IFT122: variants seen among roughly 807,000 people sequenced by gnomAD.
IFT122 encodes the protein intraflagellar transport protein 122 homolog.
A neutral mutation model predicts 161.6 loss-of-function variants in IFT122; 118 were observed. The observed-to-expected ratio is 0.73, with a 90% CI of 0.63 to 0.85. The LOEUF is 0.85. IFT122 is among the 40% of genes least tolerant of loss of function. IFT122 has a pLI of 0.00. For synonymous variants in IFT122, 550 were observed against 602.4 expected, an observed-to-expected ratio of 0.91 and a Z score of 1.27; for missense variants, 1,381 against 1,579.6, an observed-to-expected ratio of 0.87 and a Z score of 2.13.
Position 129,481,510 on chromosome 3 carries a change from T to G in IFT122, c.1489-20T>G. ...TTGTTGCCATGGTGACTGACACTGTTTTCGCTGAAATTTTGCCAGATCCTG... is the reference window on the plus strand; with the variant it reads ...TTGTTGCCATGGTGACTGACACTGTGTTCGCTGAAATTTTGCCAGATCCTG... On this transcript the variant is annotated intron_variant, in intron 13 of 29. Transcript: ENST00000348417. 5 of 1,510,346 alleles carry G rather than the reference T, an allele frequency of 3.3e-6. No individual in the cohort carries two copies. Among genetic ancestry groups the G allele is most frequent in the Non-Finnish European group, 4.6e-6 (5 of 1,087,024 alleles). 93.6% of individuals were successfully genotyped at this position (1,510,346 alleles called of 1,614,324 possible).
Position 129,459,666 on chromosome 3 carries a change from TTCCC to T in IFT122, c.272+1003_272+1006del, listed in dbSNP as rs1312404813. ...CCTCCCTCCCTTCTTCCTTCCTTCC[TTCCC>T]TCCCTCCCTCCCTTCTTCCTTCCTT... On this transcript the variant is annotated intron_variant, in intron 4 of 29. Transcript: ENST00000348417. 1.1e-4 allele frequency among the ~76,000 whole-genome samples: 11 copies of T among 95,774 alleles called. No individual in the cohort carries two copies. The South Asian group carries it at 2.7e-3, about 23-fold the overall frequency. The allele number at this position is 95,774 out of a possible 152,430, so 62.8% of individuals were successfully genotyped here.
intron 1 of IFT122, among the ~76,000 whole-genome samples, chr3:129,445,202 T>G (rs1364330771): frequency 6.6e-6 from 1 of 152,120 alleles, no homozygotes; most frequent in East Asian, 1.9e-4. Flanking sequence ...GGCAGGCACC[T>G]GTCATCCCAG....
intron 21 of IFT122, among the ~76,000 whole-genome samples, chr3:129,504,755 A>G (rs1281481133): frequency 1.3e-5 from 2 of 152,220 alleles, no homozygotes; most frequent in African/African-American, 2.4e-5. Context: ...AGCTACCATC[A>G]TTATGATTCC....
chr3:129,508,378 TTAGTACCTA>T (rs2082409260), intron 23 of IFT122, among the ~76,000 whole-genome samples: 1 of 152,226 alleles, frequency 6.6e-6, no homozygotes, highest in Admixed American at 6.5e-5. Context: ...TGTTGAGCAC[TTAGTACCTA>T]GTAGGCAATG....
intron 23 of IFT122, among the ~76,000 whole-genome samples, chr3:129,511,526 C>T (rs1165323613): frequency 6.6e-6 from 1 of 152,158 alleles, no homozygotes; most frequent in Non-Finnish European, 1.5e-5. Flanking sequence ...CCATCTAAAG[C>T]TTTATTAGAA....
chr3:129,519,681 C>G lies in IFT122; in HGVS notation c.3585C>G (p.Phe1195Leu). ...RWPPPLRWQY[F>L]RSLLPDASIT... The stretch of plus-strand genomic sequence containing the variant: ...CCCCACCCCTGAGGTGGCAATACTT[C>G]CGCTCACTGCTGCCTGACGCCTCCA... The change falls in exon 29 of 30, where the codon TTC becomes TTG. Residue 1195 changes from phenylalanine (F) to leucine (L), a missense_variant. Physicochemically the swap from Phe to Leu is conservative, Grantham distance 22. This residue lies in a region of IFT122 where 177 missense variants were observed against 199.2 expected (regional missense o/e 0.89). Coordinates refer to ENST00000348417, the MANE Select transcript of IFT122 (RefSeq NM_052989.3). 6.2e-7 allele frequency: 1 copy of G among 1,613,814 alleles called. No homozygotes were observed. Among genetic ancestry groups the G allele is most frequent in the Non-Finnish European group, 8.5e-7 (1 of 1,180,024 alleles).
chr3:129,509,491 T>A (rs971103498), intron 23 of IFT122, among the ~76,000 whole-genome samples: 2 of 152,254 alleles, frequency 1.3e-5, no homozygotes, highest in Non-Finnish European at 2.9e-5. Flanking sequence ...CCAAATGCGT[T>A]GTCGATGTTA....
At chr3:129,467,402 G>T (rs1013013305) in intron 8 of IFT122, among the ~76,000 whole-genome samples, 2 of 152,016 alleles carry the variant, frequency 1.3e-5, no homozygotes, top group African/African-American at 4.8e-5. Context: ...GTCATATTCT[G>T]CTTTTTTTTT....
chr3:129,451,799 C>T lies in IFT122; in HGVS notation c.109-115C>T, dbSNP rs576146692. The T allele has an allele frequency of 4.4e-6, 4 of 899,822 alleles. No homozygotes were observed. The South Asian group carries it at 5.4e-5, about 12-fold the overall frequency. The allele number at this position is 899,822 out of a possible 1,614,324, so 55.7% of individuals were successfully genotyped here. ...TTTGCAGTGCAGTTTTTATTGGCTA[C>T]AGATTTAGAATATTGACACGTATTG... On this transcript the variant is annotated intron_variant, in intron 2 of 29. Coordinates refer to ENST00000348417, the MANE Select transcript of IFT122 (RefSeq NM_052989.3).
intron 1 of IFT122, among the ~76,000 whole-genome samples, chr3:129,441,986 A>T (rs1211691866): frequency 6.6e-6 from 1 of 152,066 alleles, no homozygotes; most frequent in Admixed American, 6.6e-5. Context: ...GCCAATTACC[A>T]CCATGCAGGA....
chr3:129,505,361 C>A (rs1198910530), intron 21 of IFT122, among the ~76,000 whole-genome samples: 2 of 152,230 alleles, frequency 1.3e-5, no homozygotes, highest in African/African-American at 4.8e-5. Context: ...TCTCTGGACA[C>A]ATTGCAGAAC....
At position 129,520,364 on chromosome 3, in the gene IFT122, C is replaced by T; in HGVS notation, c.*99C>T. ...TAAACTGTCAGAATGTGTTTCTTGC[C>T]CAGATGAAGTTTGTGTTTTGTGGGG... On this transcript the variant is annotated 3_prime_UTR_variant, in exon 30 of 30. Coordinates refer to ENST00000348417, the MANE Select transcript of IFT122 (RefSeq NM_052989.3). 1.0e-6 allele frequency: 1 copy of T among 995,672 alleles called. No homozygotes were observed. The highest frequency in any genetic ancestry group is 1.5e-6 in the Non-Finnish European group (1 of 652,682). The allele number at this position is 995,672 out of a possible 1,614,324, so 61.7% of individuals were successfully genotyped here.
intron 3 of IFT122, chr3:129,456,349 A>G: frequency 9.2e-7 from 1 of 1,089,300 alleles, no homozygotes; most frequent in Admixed American, 3.6e-5. Flanking sequence ...CTACTGTAAA[A>G]GGTACTTGGC....
At chr3:129,479,366 T>C (rs1431453125) in intron 12 of IFT122, among the ~76,000 whole-genome samples, 1 of 151,904 alleles carries the variant, frequency 6.6e-6, no homozygotes, top group East Asian at 1.9e-4. Flanking sequence ...TAGCCAGAAA[T>C]TGGAGGCAGC....
At chr3:129,477,276 A>C (rs2078062770) in intron 11 of IFT122, among the ~76,000 whole-genome samples, 1 of 152,178 alleles carries the variant, frequency 6.6e-6, no homozygotes, top group African/African-American at 2.4e-5. Flanking sequence ...TCAGAAGATC[A>C]GAGTTCCCGG....
rs2078663704 is a variant in IFT122, at chr3:129,481,686, C to G, written c.1645C>G (p.Leu549Val). Residue 549 changes from leucine to valine, a missense_variant, in exon 14 of 30, where the codon CTT becomes GTT. This residue lies in a region of IFT122 where 544 missense variants were observed against 648.0 expected (regional missense o/e 0.84). Transcript: ENST00000348417. ...GTATGACATCGACACCAAGGAGCTGCTTTTTCAGGTGAAGTCCCTGAGGGG... is the reference window on the plus strand; with the variant it reads ...GTATGACATCGACACCAAGGAGCTGGTTTTTCAGGTGAAGTCCCTGAGGGG... ...LVYDIDTKEL[L>V]FQEPNANSVA... 1 of 1,613,928 alleles carries G rather than the reference C, an allele frequency of 6.2e-7. No homozygotes were observed. The highest frequency in any genetic ancestry group is 8.5e-7 in the Non-Finnish European group (1 of 1,179,958).
chr3:129,519,250 G>C (rs546491150), intron 28 of IFT122, 64 bp downstream of exon 28: 7 of 1,412,122 alleles, frequency 5.0e-6, no homozygotes, highest in Non-Finnish European at 5.0e-6. Context: ...TGTGCACATG[G>C]GGACCCTCAG....
At chr3:129,504,018 A>G (rs937061716) in intron 20 of IFT122, 3 of 404,184 alleles carry the variant, frequency 7.4e-6, no homozygotes, top group Non-Finnish European at 9.4e-6. Flanking sequence ...GCAGCACTAC[A>G]GGAGCCCACG....
Position 129,464,754 on chromosome 3 carries a change from T to G in IFT122, c.536T>G (p.Ile179Arg), listed in dbSNP as rs769527595. The change falls in exon 7 of 30, where the codon ATA becomes AGA. Residue 179 changes from isoleucine to arginine, a missense_variant. This residue lies in a region of IFT122 where 544 missense variants were observed against 648.0 expected (regional missense o/e 0.84). Coordinates refer to ENST00000348417, the MANE Select transcript of IFT122 (RefSeq NM_052989.3). ...CGGCCGGGGGGCTCCCTCTCGCCAA[T>G]ATGGTCCATCTGCTGGAACCCTTCA... is the stretch of plus-strand genomic sequence containing the variant. ...IERPGGSLSP[I>R]WSICWNPSSR... 2 of 1,614,110 alleles carry G rather than the reference T, an allele frequency of 1.2e-6. No homozygotes were observed. The highest frequency in any genetic ancestry group is 4.5e-5 in the East Asian group (2 of 44,876).
Sources: gnomAD v4.1 joint callset for allele counts (sites outside exome capture counted in the v4.1 genomes callset) on GRCh38, gnomAD v4.1.1 for gene constraint, gnomAD v4.1.1 regional missense constraint, MANE v1.5 for transcripts, NCBI Gene and HGNC (gene_info 2026-07-23, HGNC 2026-07-21) for gene names.